The following GLIS1 variants were observed in gnomAD, a reference collection of about 807,000 sequenced individuals.
The protein encoded by GLIS1 is GLIS family zinc finger 1, also known as zinc finger protein GLIS1.
In GLIS1, 24 loss-of-function variants were observed where a neutral mutation model predicts 63.8. That is an observed-to-expected ratio of 0.38 (90% CI 0.27 to 0.53). The LOEUF is 0.53. Ranked by LOEUF, GLIS1 falls within the 20% of genes least tolerant of loss-of-function variation. GLIS1 has a pLI of 0.85. For missense variants in GLIS1, 1,036 were observed against 1,074.1 expected, an observed-to-expected ratio of 0.96 and a Z score of 0.50; for synonymous variants, 450 against 482.5, an observed-to-expected ratio of 0.93 and a Z score of 0.88.
In GLIS1 at chr1:53,511,067, C is replaced by T. The variant is rs1258755176; in HGVS notation, c.1884-1040G>A. Among the ~76,000 whole-genome samples the T allele has an allele frequency of 1.3e-5, 2 of 152,188 alleles. No homozygotes were observed. The highest frequency in any genetic ancestry group is 2.9e-5 in the Non-Finnish European group (2 of 68,028). ...GCTACCTTCCTAAGCCCCTGGGCCC[C>T]GTTCACAGGGGCTAAAATGACTTTG... On this transcript the variant is annotated intron_variant, in intron 8 of 10. Coordinates refer to ENST00000628545, the MANE Select transcript of GLIS1 (RefSeq NM_001367484.1). The surrounding 1 kb of genome is among the most constrained non-coding windows in gnomAD (Gnocchi z 4.2).
chr1:53,590,937 C>G (rs934488932), intron 4 of GLIS1, among the ~76,000 whole-genome samples: 1 of 152,124 alleles, frequency 6.6e-6, no homozygotes, highest in African/African-American at 2.4e-5. Context: ...GCAGAGGCTC[C>G]GCTGGCTAAA....
intron 2 of GLIS1, among the ~76,000 whole-genome samples, chr1:53,673,057 A>C (rs561856079): frequency 4.2e-4 from 64 of 152,250 alleles, no homozygotes; most frequent in African/African-American, 1.5e-3. Context: ...CGTGTTCCCC[A>C]CAATCTCATG....
At chr1:53,566,096 G>C (rs1644934809) in intron 4 of GLIS1, among the ~76,000 whole-genome samples, 1 of 152,120 alleles carries the variant, frequency 6.6e-6, no homozygotes, top group South Asian at 2.1e-4. Context: ...AACCTCAATA[G>C]ACTTAGAAAG....
At chr1:53,721,176 A>G (rs1570102516) in intron 2 of GLIS1, among the ~76,000 whole-genome samples, 1 of 152,150 alleles carries the variant, frequency 6.6e-6, no homozygotes, top group East Asian at 1.9e-4. Context: ...CTAAATCTTC[A>G]TCTATCATAA....
intron 2 of GLIS1, among the ~76,000 whole-genome samples, chr1:53,713,723 C>A (rs1480183079): frequency 6.6e-6 from 1 of 152,220 alleles, no homozygotes; most frequent in Non-Finnish European, 1.5e-5. Flanking sequence ...GATTACACCA[C>A]TGCAACTCCA....
At chr1:53,637,395 C>T (rs1013799967) in intron 2 of GLIS1, among the ~76,000 whole-genome samples, 4 of 152,146 alleles carry the variant, frequency 2.6e-5, no homozygotes, top group Non-Finnish European at 4.4e-5. Context: ...GAGGGTGACA[C>T]GATGTGAGTG....
chr1:53,522,895 C>CA (rs1160901035), intron 6 of GLIS1, among the ~76,000 whole-genome samples: 2 of 152,070 alleles, frequency 1.3e-5, no homozygotes, highest in Non-Finnish European at 2.9e-5. Context: ...GCCTGGGTGA[C>CA]AGAGTGAGAC....
At chr1:53,726,815 T>C (rs534151331) in intron 2 of GLIS1, among the ~76,000 whole-genome samples, 16 of 152,264 alleles carry the variant, frequency 1.1e-4, no homozygotes, top group African/African-American at 3.6e-4. Context: ...GTCCTTATTC[T>C]TGTAATTACA....
intron 4 of GLIS1, among the ~76,000 whole-genome samples, chr1:53,576,121 A>G (rs1645030088): frequency 6.6e-6 from 1 of 151,276 alleles, no homozygotes; most frequent in South Asian, 2.1e-4. Context: ...GGAGACGTGT[A>G]CCCCGGGTAC....
chr1:53,602,050 G>C (rs764112311), intron 2 of GLIS1, among the ~76,000 whole-genome samples: 1 of 152,164 alleles, frequency 6.6e-6, no homozygotes, highest in African/African-American at 2.4e-5. Context: ...GAGAGGACTC[G>C]GCAAACATCT....
chr1:53,733,660 T>A (rs1026678195), intron 2 of GLIS1, among the ~76,000 whole-genome samples: 1 of 152,348 alleles, frequency 6.6e-6, no homozygotes, highest in Admixed American at 6.5e-5. Context: ...ATAACTCTTA[T>A]GACTGTAGAC....
At chr1:53,634,271 T>C (rs1569958575) in intron 2 of GLIS1, among the ~76,000 whole-genome samples, 1 of 152,092 alleles carries the variant, frequency 6.6e-6, no homozygotes, top group East Asian at 1.9e-4. Context: ...GGAGATAACT[T>C]TGGATCCATA....
At chr1:53,626,999 C>T (rs577054599) in intron 2 of GLIS1, among the ~76,000 whole-genome samples, 9 of 152,382 alleles carry the variant, frequency 5.9e-5, no homozygotes, top group African/African-American at 2.2e-4. Context: ...TTCTCCAGGG[C>T]CTGACGTGCC....
chr1:53,622,259 C>G lies in GLIS1; in HGVS notation c.260-21981G>C, dbSNP rs151079096. Among the ~76,000 whole-genome samples the G allele has an allele frequency of 5.7e-3, 869 of 151,686 alleles. 5 individuals are homozygous for G. The highest frequency in any genetic ancestry group is 9.3e-3 in the Non-Finnish European group (629 of 67,872). ...CCTGGCCAACATGGTGAAACCCTGTCTCTACTAAAAATACAAATACTAGCT... is the reference window on the plus strand; with the variant it reads ...CCTGGCCAACATGGTGAAACCCTGTGTCTACTAAAAATACAAATACTAGCT... On this transcript the variant is annotated intron_variant, in intron 2 of 10. Transcript: ENST00000628545.
intron 2 of GLIS1, among the ~76,000 whole-genome samples, chr1:53,713,137 C>A (rs969087956): frequency 6.6e-6 from 1 of 152,086 alleles, no homozygotes; most frequent in African/African-American, 2.4e-5. Flanking sequence ...CCAGCCTAGG[C>A]AACATGGTGA....
intron 2 of GLIS1, among the ~76,000 whole-genome samples, chr1:53,618,425 CT>C (rs955201401): frequency 3.9e-5 from 6 of 152,256 alleles, no homozygotes; most frequent in African/African-American, 1.4e-4. Context: ...CAGCTCTGGC[CT>C]TTACAACATT....
intron 2 of GLIS1, among the ~76,000 whole-genome samples, chr1:53,617,588 G>A (rs1048272460): frequency 2.0e-5 from 3 of 152,266 alleles, no homozygotes; most frequent in South Asian, 4.1e-4. Flanking sequence ...TGCCGCACAC[G>A]GGCAATTGGC....
At chr1:53,540,460 C>T (rs372657060) in intron 4 of GLIS1, among the ~76,000 whole-genome samples, 1 of 152,158 alleles carries the variant, frequency 6.6e-6, no homozygotes, top group African/African-American at 2.4e-5. Flanking sequence ...GTGCTTCCTC[C>T]TCTTCCTGTG....
intron 4 of GLIS1, among the ~76,000 whole-genome samples, chr1:53,534,893 C>T (rs1644567376): frequency 6.6e-6 from 1 of 151,858 alleles, no homozygotes. Flanking sequence ...AAGGGGCTGA[C>T]CCGGGGGCTT....
Sources: gnomAD v4.1 joint callset for allele counts (sites outside exome capture counted in the v4.1 genomes callset) on GRCh38, gnomAD v4.1.1 for gene constraint, Gnocchi (gnomAD v3.1) non-coding constraint, MANE v1.5 for transcripts, NCBI Gene and HGNC (gene_info 2026-07-23, HGNC 2026-07-21) for gene names.